The following ABR variants were observed in gnomAD, a reference collection of about 807,000 sequenced individuals.
ABR encodes the protein ABR activator of RhoGEF and GTPase.
ABR carries 35 observed loss-of-function variants against 107.2 expected under a neutral mutation model. The ratio of observed to expected loss-of-function variants is 0.33; its 90% CI spans 0.25 to 0.43. The LOEUF (loss-of-function observed/expected upper bound fraction) is 0.43, where lower values mean the gene tolerates loss of function less well. ABR is among the 20% of genes least tolerant of loss of function. The pLI is 1.00. For synonymous variants in ABR, 498 were observed against 462.0 expected (o/e 1.08, Z -1.00); for missense variants, 815 against 1,115.2 (o/e 0.73, Z 3.83).
chr17:1,146,914 T>C (rs112415452), intron 1 of ABR, among the ~76,000 whole-genome samples: 37 of 145,848 alleles, frequency 2.5e-4, no homozygotes, highest in African/African-American at 9.3e-4. Flanking sequence ...ACTGCCACCA[T>C]GACACCACTG....
rs185402129 is a variant in ABR, at chr17:1,161,455, G to A, written c.61+18212C>T. Reference sequence around the variant, plus strand: ...GAGACAGGGTCTTGATATGTTGCCCGGACTGGTCTTGAACTCTTAGTCTCG... The same window carrying A: ...GAGACAGGGTCTTGATATGTTGCCCAGACTGGTCTTGAACTCTTAGTCTCG... On this transcript the variant is annotated intron_variant, in intron 1 of 22. Transcript: ENST00000302538. 1.2e-3 allele frequency among the ~76,000 whole-genome samples: 182 copies of A among 151,832 alleles called. 5 individuals carry two copies. The South Asian group carries it at 0.036, about 30-fold the overall frequency.
chr17:1,108,496 AG>A (rs1256729520), intron 2 of ABR, among the ~76,000 whole-genome samples: 1 of 152,252 alleles, frequency 6.6e-6, no homozygotes, highest in Non-Finnish European at 1.5e-5. Context: ...TTTTCCTTCA[AG>A]GAAGCTCAGT....
Position 1,083,535 on chromosome 17 carries a change from G to C in ABR, c.624C>G (p.Phe208Leu). Residue 208 changes from phenylalanine (F) to leucine (L), a missense_variant, in exon 5 of 23, where the codon TTC becomes TTG. Phe to Leu is a conservative substitution (Grantham distance 22). Around this residue, in one of 5 missense-constraint regions of ABR, gnomAD observed 385 missense variants for 596.9 expected, o/e 0.64. Transcript: ENST00000302538. The part of the protein sequence containing the change: ...AEKCSQSNNQ[F>L]QKISEELKVK... The stretch of plus-strand genomic sequence containing the variant: ...AGCGGCCTACCTCTGAGATCTTCTG[G>C]AACTGGTTGTTGGACTGGCTGCACT... 6.2e-7 allele frequency: 1 copy of C among 1,608,902 alleles called. No homozygotes were observed. The highest frequency in any genetic ancestry group is 1.7e-5 in the Admixed American group (1 of 59,760).
chr17:1,041,807 C>G (rs945336447), intron 16 of ABR, among the ~76,000 whole-genome samples: 1 of 152,096 alleles, frequency 6.6e-6, no homozygotes, highest in African/African-American at 2.4e-5. Flanking sequence ...AGGTTGTTCC[C>G]GCGGCCTCAG....
chr17:1,205,566 T>G (rs1425829184), intron 1 of ABR, among the ~76,000 whole-genome samples: 1 of 152,164 alleles, frequency 6.6e-6, no homozygotes, highest in African/African-American at 2.4e-5. Context: ...ATCCCAGAAC[T>G]TTGGGAGGCC....
intron 1 of ABR, among the ~76,000 whole-genome samples, chr17:1,196,670 A>C (rs2042573643): frequency 6.7e-6 from 1 of 149,734 alleles, no homozygotes; most frequent in African/African-American, 2.4e-5. Context: ...ACGGCACCAC[A>C]GGAAGCTACA....
intron 16 of ABR, among the ~76,000 whole-genome samples, chr17:1,049,595 CA>C (rs1284919393): frequency 6.6e-6 from 1 of 152,172 alleles, no homozygotes; most frequent in Non-Finnish European, 1.5e-5. Flanking sequence ...CCCCTCCCCC[CA>C]AGCCAACCAG....
chr17:1,103,579 T>C lies in ABR; in HGVS notation c.247-2844A>G, dbSNP rs190553451. ...AGCTTCATCCCCCCTGGCACGAGCA[T>C]AGACCCTGGAAGCCCTGTAATCGCC... On this transcript the variant is annotated intron_variant, in intron 2 of 22. Coordinates refer to ENST00000302538, the MANE Select transcript of ABR (RefSeq NM_021962.5). Among the ~76,000 whole-genome samples, 313 of 152,302 alleles carry C rather than the reference T, an allele frequency of 2.1e-3. 1 individual carries two copies. The highest frequency in any genetic ancestry group is 6.8e-3 in the African/African-American group (281 of 41,562).
chr17:1,070,878 C>T lies in ABR; in HGVS notation c.895-788G>A, dbSNP rs1245886906. Among the ~76,000 whole-genome samples, 1 of 152,026 alleles carries T rather than the reference C, an allele frequency of 6.6e-6. No individual in the cohort carries two copies. Among genetic ancestry groups the T allele is most frequent in the Non-Finnish European group, 1.5e-5 (1 of 68,002 alleles). On this transcript the variant is annotated intron_variant, in intron 8 of 22. Coordinates refer to ENST00000302538, the MANE Select transcript of ABR (RefSeq NM_021962.5). This position sits in a 1 kb window ranked among gnomAD's most constrained non-coding sequence, Gnocchi z 4.2. The stretch of plus-strand genomic sequence containing the variant: ...ATTCAAAGTATACAATTAAGATGAC[C>T]GAGGCCGGGCGCAGTGGTTCACACC...
At chr17:1,090,189 C>T (rs183246603) in intron 4 of ABR, among the ~76,000 whole-genome samples, 7 of 152,308 alleles carry the variant, frequency 4.6e-5, no homozygotes, top group Admixed American at 4.6e-4. Flanking sequence ...TAAGAAAGTG[C>T]CTGCCCTGGG....
At chr17:1,173,132 C>A (rs868408711) in intron 1 of ABR, among the ~76,000 whole-genome samples, 16 of 118,776 alleles carry the variant, frequency 1.3e-4, no homozygotes, top group South Asian at 3.0e-4. Context: ...GTCCACCCCC[C>A]ACACATCACC....
rs927671993 is a variant in ABR, at chr17:1,011,621, G to C, written c.2101+225C>G. 8.6e-5 allele frequency: 37 copies of C among 429,572 alleles called. No individual in the cohort carries two copies. In the Middle Eastern group the frequency reaches 3.2e-3, roughly 37 times the overall value. 26.6% of individuals were successfully genotyped at this position (429,572 alleles called of 1,614,324 possible). A position where few individuals can be genotyped will look rare whatever the true frequency, so the allele number is the denominator to read the frequency against. ...AAAACCTACAAGTTGGGTCATCCTG[G>C]GCAAGTGAGTCGGCCCTTGTGAGTT... On this transcript the variant is annotated intron_variant, in intron 19 of 22. Coordinates refer to ENST00000302538, the MANE Select transcript of ABR (RefSeq NM_021962.5). The surrounding 1 kb of genome is among the most constrained non-coding windows in gnomAD (Gnocchi z 4.8).
chr17:1,029,787 C>T lies in ABR; in HGVS notation c.1792-16623G>A, dbSNP rs1196182959. Among the ~76,000 whole-genome samples, 4 of 92,828 alleles carry T rather than the reference C, an allele frequency of 4.3e-5. No homozygotes were observed. In the East Asian group the frequency reaches 2.0e-3, roughly 46 times the overall value. 60.9% of individuals were successfully genotyped at this position (92,828 alleles called of 152,430 possible). A position where few individuals can be genotyped will look rare whatever the true frequency, so the allele number is the denominator to read the frequency against. On this transcript the variant is annotated intron_variant, in intron 16 of 22. Transcript: ENST00000302538. ...AGTGAGGTGGGAAGCACAGGGCAGA[C>T]GTCCCTCCGTCCACCACAGCGCTGA... is the stretch of plus-strand genomic sequence containing the variant.
rs907570868 is a variant in ABR, at chr17:1,051,345, G to C, written c.1562-711C>G. 6.6e-6 allele frequency among the ~76,000 whole-genome samples: 1 copy of C among 152,140 alleles called. No individual in the cohort carries two copies. The highest frequency in any genetic ancestry group is 1.5e-5 in the Non-Finnish European group (1 of 68,016). On this transcript the variant is annotated intron_variant, in intron 14 of 22. Transcript: ENST00000302538. This position sits in a 1 kb window ranked among gnomAD's most constrained non-coding sequence, Gnocchi z 4.3. ...GTGTACCCGCAGTACCAAGAACAGG[G>C]CTGGGAACCCAGCTGGCACACGGTG...
intron 1 of ABR, among the ~76,000 whole-genome samples, chr17:1,138,725 A>G (rs1309999180): frequency 6.6e-6 from 1 of 151,882 alleles, no homozygotes; most frequent in African/African-American, 2.4e-5. Context: ...AGAGTCCTCC[A>G]CTTTGGCCTC....
intron 1 of ABR, among the ~76,000 whole-genome samples, chr17:1,186,288 C>T (rs987763640): frequency 5.9e-5 from 9 of 152,228 alleles, no homozygotes; most frequent in African/African-American, 1.7e-4. Flanking sequence ...CTCAGCCTCC[C>T]GGCTTTTCCA....
intron 3 of ABR, among the ~76,000 whole-genome samples, chr17:1,097,547 T>G (rs2037552864): frequency 7.2e-6 from 1 of 137,942 alleles, no homozygotes. Flanking sequence ...GCCGAGATTG[T>G]GCCACTGCAC....
At chr17:1,127,091 C>T (rs1018287785) in intron 1 of ABR, among the ~76,000 whole-genome samples, 2 of 152,314 alleles carry the variant, frequency 1.3e-5, no homozygotes, top group Admixed American at 6.5e-5. Context: ...GGCAGCCGAG[C>T]GCTTCCCCTA....
chr17:1,206,124 A>G (rs1356631456), intron 1 of ABR, among the ~76,000 whole-genome samples: 2 of 152,120 alleles, frequency 1.3e-5, no homozygotes, highest in Non-Finnish European at 2.9e-5. Flanking sequence ...CAAAAAAAAG[A>G]GAAACAAAAT....
Sources: gnomAD v4.1 joint callset for allele counts (sites outside exome capture counted in the v4.1 genomes callset) on GRCh38, gnomAD v4.1.1 for gene constraint, gnomAD v4.1.1 regional missense constraint, Gnocchi (gnomAD v3.1) non-coding constraint, MANE v1.5 for transcripts, NCBI Gene and HGNC (gene_info 2026-07-23, HGNC 2026-07-21) for gene names.